The following KCTD7 variants were observed in gnomAD, a reference collection of about 807,000 sequenced individuals.
KCTD7 encodes the protein BTB/POZ domain-containing protein KCTD7.
In KCTD7, 15 loss-of-function variants were observed where a neutral mutation model predicts 27.0. The observed-to-expected ratio is 0.56, with a 90% confidence interval of 0.37 to 0.86. KCTD7 has a LOEUF of 0.86. Ranked by LOEUF, KCTD7 falls within the 40% of genes least tolerant of loss-of-function variation. The probability of loss-of-function intolerance (pLI) is 0.00; values close to 1 mark genes in which losing one functional copy is unlikely to be tolerated. For missense variants in KCTD7, 299 were observed against 398.9 expected, an observed-to-expected ratio of 0.75 and a Z score of 2.13; for synonymous variants, 159 against 162.7, an observed-to-expected ratio of 0.98 and a Z score of 0.17.
At position 66,640,372 on chromosome 7, in the gene KCTD7, TTTAC is replaced by T; in HGVS notation, c.*1146_*1149del. 6.5e-7 allele frequency: 1 copy of T among 1,537,236 alleles called. No homozygotes were observed. Reference sequence around the variant, plus strand: ...TACTCCTCACTCCTGTATATTTTGGTTTACTTACTCCTCTATTTCAGAAATTGAA... The same window carrying T: ...TACTCCTCACTCCTGTATATTTTGGTTTACTCCTCTATTTCAGAAATTGAA... On this transcript the variant is annotated 3_prime_UTR_variant, in exon 4 of 4. Transcript: ENST00000639828.
intron 1 of KCTD7, among the ~76,000 whole-genome samples, chr7:66,632,488 CAAA>C (rs79868578): frequency 1.7e-4 from 9 of 52,580 alleles, no homozygotes; most frequent in Admixed American, 2.3e-4. Flanking sequence ...GACTCCGTCT[CAAA>C]AAAAAAAAAA....
intron 1 of KCTD7, among the ~76,000 whole-genome samples, chr7:66,631,588 G>T (rs1243899862): frequency 6.6e-6 from 1 of 150,534 alleles, no homozygotes; most frequent in Non-Finnish European, 1.5e-5. Flanking sequence ...AAAAAAAGAT[G>T]CATAGGGATA....
At chr7:66,631,866 A>G (rs1420427184) in intron 1 of KCTD7, among the ~76,000 whole-genome samples, 3 of 152,208 alleles carry the variant, frequency 2.0e-5, no homozygotes, top group Non-Finnish European at 2.9e-5. Context: ...AGATGCCTGG[A>G]AGTATTCAAC....
At position 66,642,866 on chromosome 7, in the gene KCTD7, A is replaced by G; in HGVS notation, c.*3634A>G. 1.0e-6 allele frequency: 1 copy of G among 985,456 alleles called. No homozygotes were observed. The highest frequency in any genetic ancestry group is 1.2e-6 in the Non-Finnish European group (1 of 830,026). The allele number at this position is 985,456 out of a possible 1,614,324, so 61.0% of individuals were successfully genotyped here. On this transcript the variant is annotated 3_prime_UTR_variant, in exon 4 of 4. Coordinates refer to ENST00000639828, the MANE Select transcript of KCTD7 (RefSeq NM_153033.5). ...AGGGAGGTGGGAACAAACAGTGAGT[A>G]TGGGAACAGGCAGTCACCTCGAGTG...
At position 66,642,899 on chromosome 7, in the gene KCTD7, T is replaced by C; in HGVS notation, c.*3667T>C. The C allele has an allele frequency of 1.0e-6, 1 of 985,196 alleles. No homozygotes were observed. The highest frequency in any genetic ancestry group is 1.7e-5 in the African/African-American group (1 of 57,244). 61.0% of individuals were successfully genotyped at this position (985,196 alleles called of 1,614,324 possible). On this transcript the variant is annotated 3_prime_UTR_variant, in exon 4 of 4. Transcript: ENST00000639828. ...AGGCAGTCACCTCGAGTGTGGGAGG[T>C]CACCTGGGTCCGTCGTCTTCCTTCT...
In KCTD7 at chr7:66,640,473, G is replaced by C. The variant is rs1022463219; in HGVS notation, c.*1241G>C. 38 of 1,535,692 alleles carry C rather than the reference G, an allele frequency of 2.5e-5. No individual in the cohort carries two copies. In the Admixed American group the frequency reaches 4.5e-4, roughly 18 times the overall value. On this transcript the variant is annotated 3_prime_UTR_variant, in exon 4 of 4. Coordinates refer to ENST00000639828, the MANE Select transcript of KCTD7 (RefSeq NM_153033.5). ...TCTACAGCCTAGGCCAACTAGTCAG[G>C]GTCTGGACATGCATCTCCTAAAGGA...
chr7:66,642,396 A>G lies in KCTD7; in HGVS notation c.*3164A>G. The G allele has an allele frequency of 1.0e-6, 1 of 985,414 alleles. No homozygotes were observed. The highest frequency in any genetic ancestry group is 1.2e-6 in the Non-Finnish European group (1 of 829,928). The allele number at this position is 985,414 out of a possible 1,614,324, so 61.0% of individuals were successfully genotyped here. The stretch of plus-strand genomic sequence containing the variant: ...TGTCTGAGCCTTGTGCCTAAGGCTT[A>G]TCAGGTGATATAATCTTCCTGTTCT... On this transcript the variant is annotated 3_prime_UTR_variant, in exon 4 of 4. Transcript: ENST00000639828.
At position 66,629,076 on chromosome 7, in the gene KCTD7, C is replaced by T. The variant is rs933610815; in HGVS notation, c.12C>T (p.Val4=). ...CCAGAGCCAGAGGGATGGTGGTAGTCACGGGGCGGGAGCCAGACAGCCGTC... is the reference window on the plus strand; with the variant it reads ...CCAGAGCCAGAGGGATGGTGGTAGTTACGGGGCGGGAGCCAGACAGCCGTC... MVV[V]TGREPDSRRQ... is the part of the protein sequence containing the mutation. Residue 4 remains valine (V), a synonymous_variant, in exon 1 of 4, where the codon GTC becomes GTT. Transcript: ENST00000639828. The T allele has an allele frequency of 6.6e-7, 1 of 1,526,396 alleles. No individual in the cohort carries two copies. The highest frequency in any genetic ancestry group is 8.8e-7 in the Non-Finnish European group (1 of 1,137,538). The allele number at this position is 1,526,396 out of a possible 1,614,324, so 94.6% of individuals were successfully genotyped here.
Position 66,639,458 on chromosome 7 carries a change from C to G in KCTD7, c.*226C>G. ...GCCTGCAGGCACTCCAGCCAGCGCTCACCTGGCCTTTCCTCAAGGCATGGT... is the reference window on the plus strand; with the variant it reads ...GCCTGCAGGCACTCCAGCCAGCGCTGACCTGGCCTTTCCTCAAGGCATGGT... On this transcript the variant is annotated 3_prime_UTR_variant, in exon 4 of 4. Coordinates refer to ENST00000639828, the MANE Select transcript of KCTD7 (RefSeq NM_153033.5). The G allele has an allele frequency of 6.9e-7, 1 of 1,441,550 alleles. No homozygotes were observed. The highest frequency in any genetic ancestry group is 2.5e-5 in the East Asian group (1 of 39,382). The allele number at this position is 1,441,550 out of a possible 1,614,324, so 89.3% of individuals were successfully genotyped here. A position where few individuals can be genotyped will look rare whatever the true frequency, so the allele number is the denominator to read the frequency against.
chr7:66,643,179 C>A, downstream of KCTD7: 3 of 985,328 alleles, frequency 3.0e-6, no homozygotes, highest in Non-Finnish European at 3.6e-6. Context: ...ACAAGACAGG[C>A]TTTTCCCTGA....
At position 66,640,460 on chromosome 7, in the gene KCTD7, G is replaced by A. The variant is rs1210230971; in HGVS notation, c.*1228G>A. The A allele has an allele frequency of 2.6e-6, 4 of 1,536,952 alleles. No individual in the cohort carries two copies. The highest frequency in any genetic ancestry group is 1.7e-4 in the Middle Eastern group (1 of 5,988). On this transcript the variant is annotated 3_prime_UTR_variant, in exon 4 of 4. Coordinates refer to ENST00000639828, the MANE Select transcript of KCTD7 (RefSeq NM_153033.5). ...CCTTCTTGCTCTGTCTACAGCCTAG[G>A]CCAACTAGTCAGGGTCTGGACATGC...
chr7:66,638,962 C>T lies in KCTD7; in HGVS notation c.600C>T (p.Thr200=), dbSNP rs770883670. 1.9e-6 allele frequency: 3 copies of T among 1,614,108 alleles called. No individual in the cohort carries two copies. Among genetic ancestry groups the T allele is most frequent in the African/African-American group, 2.7e-5 (2 of 74,934 alleles). ...TCTTCAAGGAGGAGATGCCCATCAC[C>T]CCCTATGAGTGTCCGCTCCTCAACT... The part of the protein sequence containing the change: ...VCVFKEEMPI[T]PYECPLLNSL... Residue 200 remains threonine, a synonymous_variant, in exon 4 of 4, where the codon ACC becomes ACT. Transcript: ENST00000639828.
At position 66,633,369 on chromosome 7, in the gene KCTD7, T is replaced by C. The variant is rs202167686; in HGVS notation, c.239T>C (p.Met80Thr). 70 of 1,613,924 alleles carry C rather than the reference T, an allele frequency of 4.3e-5. No individual in the cohort carries two copies. The highest frequency in any genetic ancestry group is 5.9e-5 in the Non-Finnish European group (70 of 1,179,986). Residue 80 changes from methionine (M) to threonine (T), a missense_variant, in exon 2 of 4, where the codon ATG (methionine) becomes ACG (threonine). Coordinates refer to ENST00000639828, the MANE Select transcript of KCTD7 (RefSeq NM_153033.5). ...RCYEDTMLAA[M>T]FSGRHYIPTD... ...TACGAAGACACCATGTTGGCAGCCA[T>C]GTTCAGTGGGCGGCACTACATCCCC...
rs1364364823 is a variant in KCTD7 at position 66,629,598 on chromosome 7, A to C, written c.144+390A>C. 2.0e-5 allele frequency among the ~76,000 whole-genome samples: 3 copies of C among 151,992 alleles called. No individual in the cohort carries two copies. The South Asian group carries it at 6.2e-4, about 32-fold the overall frequency. Reference sequence around the variant, plus strand: ...CGTAGCTCGAGCCTGTAATCCCAACACATTGGGAGGGAGGATCGCTTGAGG... The same window carrying C: ...CGTAGCTCGAGCCTGTAATCCCAACCCATTGGGAGGGAGGATCGCTTGAGG... On this transcript the variant is annotated intron_variant, in intron 1 of 3. Coordinates refer to ENST00000639828, the MANE Select transcript of KCTD7 (RefSeq NM_153033.5).
rs970029736 is a variant in KCTD7 at position 66,629,472 on chromosome 7, C to G, written c.144+264C>G. Among the ~76,000 whole-genome samples the G allele has an allele frequency of 3.3e-5, 5 of 151,942 alleles. No individual in the cohort carries two copies. In the South Asian group the frequency reaches 6.3e-4, roughly 19 times the overall value. On this transcript the variant is annotated intron_variant, in intron 1 of 3. Coordinates refer to ENST00000639828, the MANE Select transcript of KCTD7 (RefSeq NM_153033.5). ...CCAGTAGTCACTGGGGTGATTTACT[C>G]CCATCGCCATGTCCCACTTTTACCG...
rs1425305376 is a variant in KCTD7, at chr7:66,639,451, C to G, written c.*219C>G. The G allele has an allele frequency of 6.9e-7, 1 of 1,449,326 alleles. No individual in the cohort carries two copies. Among genetic ancestry groups the G allele is most frequent in the African/African-American group, 1.4e-5 (1 of 70,744 alleles). The allele number at this position is 1,449,326 out of a possible 1,614,324, so 89.8% of individuals were successfully genotyped here. ...GCTTGCGGCCTGCAGGCACTCCAGC[C>G]AGCGCTCACCTGGCCTTTCCTCAAG... On this transcript the variant is annotated 3_prime_UTR_variant, in exon 4 of 4. Coordinates refer to ENST00000639828, the MANE Select transcript of KCTD7 (RefSeq NM_153033.5).
chr7:66,638,198 G>A, intron 2 of KCTD7, 55 bp from the exon 3 acceptor site: 1 of 1,585,644 alleles, frequency 6.3e-7, no homozygotes, highest in Non-Finnish European at 8.7e-7. Flanking sequence ...ACACTGTGTG[G>A]CACTGCCCAG....
intron 2 of KCTD7, 48 bp from the exon 3 acceptor site, chr7:66,638,205 C>T (rs758573631): frequency 1.2e-6 from 2 of 1,605,106 alleles, no homozygotes; most frequent in East Asian, 2.2e-5. Context: ...GTGGCACTGC[C>T]CAGGAGCATA....
Position 66,629,014 on chromosome 7 carries a change from G to A in KCTD7, c.-51G>A, listed in dbSNP as rs1160174712. 1 of 1,473,290 alleles carries A rather than the reference G, an allele frequency of 6.8e-7. No individual in the cohort carries two copies. Among genetic ancestry groups the A allele is most frequent in the Non-Finnish European group, 9.0e-7 (1 of 1,108,514 alleles). 91.3% of individuals were successfully genotyped at this position (1,473,290 alleles called of 1,614,324 possible). A position where few individuals can be genotyped will look rare whatever the true frequency, so the allele number is the denominator to read the frequency against. On this transcript the variant is annotated 5_prime_UTR_variant, in exon 1 of 4. Transcript: ENST00000639828. ...TGCTCGGCGGTAGGGAGTGCCCGGG[G>A]CCGCCGCCTCCGCCCGCCCGAAGCC...
Sources: allele counts gnomAD v4.1 joint callset (sites outside exome capture counted in the v4.1 genomes callset), GRCh38; gene constraint gnomAD v4.1.1; transcripts MANE v1.5; gene names NCBI Gene and HGNC (gene_info 2026-07-23, HGNC 2026-07-21).